Variants in CFAP44 observed in about 807,000 individuals in gnomAD.
CFAP44 encodes the protein cilia and flagella associated protein 44.
In CFAP44, 134 loss-of-function variants were observed where a neutral mutation model predicts 216.2. The observed-to-expected ratio is 0.62, with a 90% confidence interval of 0.54 to 0.72. The LOEUF (loss-of-function observed/expected upper bound fraction) is 0.72. CFAP44 is among the 30% of genes least tolerant of loss of function. CFAP44 has a pLI of 0.00. For synonymous variants in CFAP44, 700 were observed against 727.6 expected (o/e 0.96, Z 0.61); for missense variants, 2,035 against 2,182.1 (o/e 0.93, Z 1.34).
chr3:113,440,686 T>C (rs1935340060), intron 1 of CFAP44, among the ~76,000 whole-genome samples: 1 of 152,194 alleles, frequency 6.6e-6, no homozygotes, highest in Admixed American at 6.5e-5. Context: ...CAGCTTTTAA[T>C]GTGTCACTCT....
chr3:113,297,341 G>A lies in CFAP44; in HGVS notation c.5078-456C>T, dbSNP rs1451990869. Among the ~76,000 whole-genome samples, 7 of 152,062 alleles carry A rather than the reference G, an allele frequency of 4.6e-5. No individual in the cohort carries two copies. In the South Asian group the frequency reaches 1.0e-3, roughly 23 times the overall value. ...CCTGCCTACCCTGCTTTCTCTCCCC[G>A]CTGCTTTCTCATGCCTCTCCTCCTT... On this transcript the variant is annotated intron_variant, in intron 32 of 34. Coordinates refer to ENST00000393845, the MANE Select transcript of CFAP44 (RefSeq NM_001164496.2).
chr3:113,439,438 C>T (rs1935308529), intron 1 of CFAP44, among the ~76,000 whole-genome samples: 1 of 152,222 alleles, frequency 6.6e-6, no homozygotes, highest in Admixed American at 6.5e-5. Flanking sequence ...TGTCCAACCT[C>T]AGACTAGCAT....
At position 113,340,864 on chromosome 3, in the gene CFAP44, G is replaced by A. The variant is rs115746070; in HGVS notation, c.3437+880C>T. Among the ~76,000 whole-genome samples the A allele has an allele frequency of 8.4e-3, 1,284 of 152,346 alleles. 22 individuals carry two copies. Among genetic ancestry groups the A allele is most frequent in the African/African-American group, 0.029 (1,215 of 41,568 alleles). Reference sequence around the variant, plus strand: ...GATCACATGTGGGCTTGGAGAATGAGTACAAATTTTTATAGAGTGGAAGTA... The same window carrying A: ...GATCACATGTGGGCTTGGAGAATGAATACAAATTTTTATAGAGTGGAAGTA... On this transcript the variant is annotated intron_variant, in intron 24 of 34. Transcript: ENST00000393845.
At chr3:113,307,905 G>A (rs901746945) in intron 29 of CFAP44, among the ~76,000 whole-genome samples, 11 of 152,100 alleles carry the variant, frequency 7.2e-5, no homozygotes, top group Admixed American at 2.0e-4. Flanking sequence ...GCTTGAACCC[G>A]GGAGGTGGAG....
At chr3:113,337,598 A>C (rs959264074) in intron 24 of CFAP44, among the ~76,000 whole-genome samples, 2 of 152,226 alleles carry the variant, frequency 1.3e-5, no homozygotes, top group Non-Finnish European at 2.9e-5. Flanking sequence ...GTAAGAGGAT[A>C]GATATGTAGA....
At chr3:113,312,406 GAAAC>G (rs1205979111) in intron 28 of CFAP44, among the ~76,000 whole-genome samples, 2 of 151,914 alleles carry the variant, frequency 1.3e-5, no homozygotes, top group Non-Finnish European at 2.9e-5. Flanking sequence ...TTTTAAAACG[GAAAC>G]AGAGCATAAA....
At chr3:113,318,775 G>A (rs1950113542) in intron 28 of CFAP44, among the ~76,000 whole-genome samples, 1 of 152,098 alleles carries the variant, frequency 6.6e-6, no homozygotes, top group Non-Finnish European at 1.5e-5. Context: ...CCTATTTTCA[G>A]TGTCCTTATA....
intron 22 of CFAP44, among the ~76,000 whole-genome samples, chr3:113,351,664 TA>T (rs1950446315): frequency 6.6e-6 from 1 of 152,184 alleles, no homozygotes; most frequent in Non-Finnish European, 1.5e-5. Context: ...AACCGGCATT[TA>T]CAGGAAAAGG....
At chr3:113,323,199 AG>A (rs928949163) in intron 28 of CFAP44, among the ~76,000 whole-genome samples, 1 of 152,212 alleles carries the variant, frequency 6.6e-6, no homozygotes, top group African/African-American at 2.4e-5. Flanking sequence ...ACAACAGCAA[AG>A]ACATGGAATC....
In CFAP44 at chr3:113,344,633, C is replaced by G. The variant is rs1015599574; in HGVS notation, c.3145G>C (p.Val1049Leu). 7.8e-6 allele frequency: 12 copies of G among 1,536,890 alleles called. No individual in the cohort carries two copies. The highest frequency in any genetic ancestry group is 2.0e-5 in the Admixed American group (1 of 50,950). Residue 1049 changes from valine (V) to leucine (L), a missense_variant, in exon 23 of 35, where the codon GTG (valine) becomes CTG (leucine). Transcript: ENST00000393845. ...SDHKISSYRL[V>L]QPSKYSKFKR... ...AATTTGGAGTACTTAGAGGGCTGCA[C>G]CAGCCTGTAAGAGGATATCTTGTGG...
At chr3:113,330,030 T>G in intron 26 of CFAP44, 138 bp downstream of exon 26, 1 of 1,035,688 alleles carries the variant, frequency 9.7e-7, no homozygotes, top group Non-Finnish European at 1.3e-6. Context: ...AGCCAAGCCA[T>G]CACTGAGTGG....
chr3:113,328,072 A>G (rs575299125), intron 26 of CFAP44, among the ~76,000 whole-genome samples: 3 of 152,034 alleles, frequency 2.0e-5, no homozygotes, highest in African/African-American at 7.2e-5. Context: ...TAAGCCATCA[A>G]TCAAGAATGC....
At chr3:113,430,429 G>GA (rs754983161) in intron 2 of CFAP44, among the ~76,000 whole-genome samples, 25,667 of 73,838 alleles carry the variant, frequency 0.35, 3,424 homozygotes, top group African/African-American at 0.49. Flanking sequence ...AAAAATAAAT[G>GA]AAAAAAAAAA....
intron 9 of CFAP44, among the ~76,000 whole-genome samples, chr3:113,403,269 C>T (rs1323929887): frequency 6.6e-6 from 1 of 152,172 alleles, no homozygotes; most frequent in Non-Finnish European, 1.5e-5. Flanking sequence ...AAGTGCTACA[C>T]AGAGTGGGTG....
At chr3:113,307,885 C>T (rs943164011) in intron 29 of CFAP44, among the ~76,000 whole-genome samples, 11 of 152,144 alleles carry the variant, frequency 7.2e-5, no homozygotes, top group African/African-American at 2.7e-4. Context: ...GAGGCTGATG[C>T]AGGAGAATAG....
At chr3:113,430,770 A>G (rs1008453093) in intron 2 of CFAP44, among the ~76,000 whole-genome samples, 1 of 152,220 alleles carries the variant, frequency 6.6e-6, no homozygotes, top group African/African-American at 2.4e-5. Context: ...TCTACCAAGC[A>G]TTTAAGGAAG....
chr3:113,369,531 G>A (rs1933077111), intron 18 of CFAP44, among the ~76,000 whole-genome samples: 1 of 152,164 alleles, frequency 6.6e-6, no homozygotes, highest in African/African-American at 2.4e-5. Context: ...TGAAACCAAT[G>A]AGAACAAGGA....
intron 3 of CFAP44, chr3:113,426,598 G>C (rs1934965864): frequency 4.1e-6 from 1 of 244,708 alleles, no homozygotes; most frequent in African/African-American, 2.2e-5. Context: ...ATGCAGAACT[G>C]TGAGTCAAGT....
chr3:113,435,066 G>T (rs1935203251), intron 1 of CFAP44: 1 of 152,206 alleles, frequency 6.6e-6, no homozygotes, highest in African/African-American at 2.4e-5. Context: ...CTATGATCAA[G>T]AAAGATATAG....
Sources: gnomAD v4.1 joint callset for allele counts (sites outside exome capture counted in the v4.1 genomes callset) on GRCh38, gnomAD v4.1.1 for gene constraint, MANE v1.5 for transcripts, NCBI Gene and HGNC (gene_info 2026-07-23, HGNC 2026-07-21) for gene names.